The following ABCA1 variants were observed in gnomAD, a reference collection of about 807,000 sequenced individuals.
ABCA1 encodes the protein phospholipid-transporting ATPase ABCA1.
Under a neutral mutation model 262.5 loss-of-function variants are expected in ABCA1, and 133 were observed. The observed-to-expected ratio is 0.51, with a 90% CI of 0.44 to 0.59. ABCA1 has a LOEUF of 0.59. Ranked by LOEUF, ABCA1 falls within the 20% of genes least tolerant of loss-of-function variation. The pLI is 0.00. For missense variants in ABCA1, 2,452 were observed against 2,777.5 expected (o/e 0.88, Z 2.63); for synonymous variants, 1,022 against 1,043.5 (o/e 0.98, Z 0.40).
At chr9:104,785,784 A>T (rs931229784) in intron 48 of ABCA1, 145 bp from the exon 49 acceptor site, 1 of 884,290 alleles carries the variant, frequency 1.1e-6, no homozygotes, top group Non-Finnish European at 1.8e-6. Flanking sequence ...GGAACCAGTT[A>T]TCATTTACTA....
intron 14 of ABCA1, among the ~76,000 whole-genome samples, chr9:104,830,360 T>G (rs72607108): frequency 0.077 from 11,691 of 152,266 alleles, 506 homozygotes; most frequent in Non-Finnish European, 0.095. Flanking sequence ...GCTTGCAGAT[T>G]GAGCAAATTT....
chr9:104,836,256 G>A (rs1229459034), intron 11 of ABCA1, among the ~76,000 whole-genome samples: 1 of 152,154 alleles, frequency 6.6e-6, no homozygotes, highest in African/African-American at 2.4e-5. Flanking sequence ...AAGTCAATAA[G>A]GTTCAAAACA....
chr9:104,889,279 C>T lies in ABCA1; in HGVS notation c.67-84G>A, dbSNP rs1220828086. 3.2e-6 allele frequency: 5 copies of T among 1,545,402 alleles called. No individual in the cohort carries two copies. The African/African-American group carries it at 6.9e-5, about 21-fold the overall frequency. ...CACTGGGATCTGGGAAATCCACAGA[C>T]AACTTCATTTACTAATTAATCAACT... On this transcript the variant is annotated intron_variant, in intron 2 of 49. Transcript: ENST00000374736.
intron 28 of ABCA1, among the ~76,000 whole-genome samples, chr9:104,811,675 T>C (rs1831293377): frequency 6.6e-6 from 1 of 152,224 alleles, no homozygotes; most frequent in Non-Finnish European, 1.5e-5. Context: ...CCAATTCTAA[T>C]GTTCTGGGAT....
intron 5 of ABCA1, among the ~76,000 whole-genome samples, chr9:104,868,010 C>T (rs974823181): frequency 6.6e-6 from 1 of 152,200 alleles, no homozygotes; most frequent in African/African-American, 2.4e-5. Flanking sequence ...CAAGAGTCAG[C>T]TCTGCCATTT....
chr9:104,871,732 G>C (rs905807769), intron 5 of ABCA1, among the ~76,000 whole-genome samples: 3 of 152,118 alleles, frequency 2.0e-5, no homozygotes, highest in African/African-American at 7.2e-5. Flanking sequence ...GGAGTGAAAA[G>C]AAGGTAAGAG....
In ABCA1 at chr9:104,829,035, G is replaced by T. The variant is rs201599169; in HGVS notation, c.1996C>A (p.Arg666=). The part of the protein sequence containing the change: ...IKGIVYEKEA[R]LKETMRIMGL... The stretch of plus-strand genomic sequence containing the variant: ...ATGATCCGCATGGTCTCTTTCAGCC[G>T]TGCCTCCTTCTCATACACGATGCCC... Residue 666 remains arginine (R), a synonymous_variant, in exon 15 of 50, where the codon CGG becomes AGG. Transcript: ENST00000374736. 2.5e-6 allele frequency: 4 copies of T among 1,614,066 alleles called. No homozygotes were observed. The highest frequency in any genetic ancestry group is 3.4e-6 in the Non-Finnish European group (4 of 1,180,040).
intron 1 of ABCA1, among the ~76,000 whole-genome samples, chr9:104,926,014 G>A (rs921454612): frequency 2.0e-5 from 2 of 98,080 alleles, no homozygotes; most frequent in South Asian, 5.7e-4. Flanking sequence ...AACTACGGCC[G>A]TTAAAAAAAA....
chr9:104,864,003 A>G (rs4149282), intron 5 of ABCA1, among the ~76,000 whole-genome samples: 10,567 of 152,282 alleles, frequency 0.069, 577 homozygotes, highest in East Asian at 0.29. Flanking sequence ...AGCATCCCTT[A>G]CACTTTTAAT....
chr9:104,821,227 G>T, intron 20 of ABCA1, 148 bp downstream of exon 20: 1 of 1,138,698 alleles, frequency 8.8e-7, no homozygotes, highest in Non-Finnish European at 1.2e-6. Context: ...TGGCTACAGA[G>T]CGAGACTCCA....
intron 5 of ABCA1, among the ~76,000 whole-genome samples, chr9:104,869,287 G>C (rs1445450520): frequency 4.0e-5 from 6 of 149,852 alleles, no homozygotes; most frequent in African/African-American, 1.5e-4. Flanking sequence ...CCCAGGCCCA[G>C]ATGGTCTTCT....
At chr9:104,876,347 T>TC (rs1367724422) in intron 5 of ABCA1, among the ~76,000 whole-genome samples, 1 of 152,042 alleles carries the variant, frequency 6.6e-6, no homozygotes, top group Non-Finnish European at 1.5e-5. Flanking sequence ...GGACGCCCTA[T>TC]CCCGGGAAGG....
chr9:104,924,990 A>T (rs1018954509), intron 1 of ABCA1, among the ~76,000 whole-genome samples: 1 of 152,240 alleles, frequency 6.6e-6, no homozygotes, highest in African/African-American at 2.4e-5. Flanking sequence ...GAGCAGAAGG[A>T]ACCAATCCTT....
intron 1 of ABCA1, among the ~76,000 whole-genome samples, chr9:104,915,493 G>A (rs1298901368): frequency 2.0e-5 from 3 of 152,168 alleles, no homozygotes; most frequent in African/African-American, 7.2e-5. Flanking sequence ...ACTTACTTGT[G>A]ATTCTGAAAA....
chr9:104,822,246 G>A (rs1445883573), intron 19 of ABCA1, among the ~76,000 whole-genome samples: 1 of 152,176 alleles, frequency 6.6e-6, no homozygotes, highest in East Asian at 1.9e-4. Flanking sequence ...CAAGACCACT[G>A]CAGAATTCTG....
intron 11 of ABCA1, among the ~76,000 whole-genome samples, chr9:104,834,288 G>C (rs1055802315): frequency 6.0e-5 from 9 of 149,492 alleles, no homozygotes; most frequent in Non-Finnish European, 1.2e-4. Flanking sequence ...TACATCCCTG[G>C]GGGTGGGTGG....
chr9:104,861,425 A>G, intron 6 of ABCA1: 2 of 601,402 alleles, frequency 3.3e-6, no homozygotes, highest in Admixed American at 3.0e-5. Context: ...AAATCATCAC[A>G]AATGCCAAGT....
chr9:104,891,765 AG>A (rs1839765679), intron 2 of ABCA1, among the ~76,000 whole-genome samples: 2 of 151,566 alleles, frequency 1.3e-5, no homozygotes, highest in Non-Finnish European at 2.9e-5. Context: ...CAGGAGTTTG[AG>A]ACCAGCCTGG....
chr9:104,917,058 A>C (rs1356823100), intron 1 of ABCA1, among the ~76,000 whole-genome samples: 4 of 152,208 alleles, frequency 2.6e-5, no homozygotes, highest in African/African-American at 7.2e-5. Context: ...ACTTACATTA[A>C]AATGCTATGA....
Sources: gnomAD v4.1 joint callset for allele counts (sites outside exome capture counted in the v4.1 genomes callset) on GRCh38, gnomAD v4.1.1 for gene constraint, MANE v1.5 for transcripts, NCBI Gene and HGNC (gene_info 2026-07-23, HGNC 2026-07-21) for gene names.